Variants in ZNF138 observed in about 807,000 individuals in gnomAD.
ZNF138 encodes zinc finger protein 138, also known as zinc finger protein 138 (clone pHZ-32).
ZNF138 carries 33 observed loss-of-function variants against 33.0 expected under a neutral mutation model. The ratio of observed to expected loss-of-function variants is 1.00; its 90% confidence interval spans 0.76 to 1.34. ZNF138 has a LOEUF of 1.34. ZNF138 is among the 40% of genes most tolerant of loss of function. The probability of loss-of-function intolerance (pLI) is 0.00; values close to 1 mark genes in which losing one functional copy is unlikely to be tolerated. For synonymous variants in ZNF138, 139 were observed against 120.4 expected, an observed-to-expected ratio of 1.15 and a Z score of -1.01; for missense variants, 360 against 370.8, an observed-to-expected ratio of 0.97 and a Z score of 0.24.
chr7:64,852,526 G>A, the ZNF138 span: 2 of 1,572,864 alleles, frequency 1.3e-6, no homozygotes, highest in Non-Finnish European at 1.7e-6. Flanking sequence ...TCCATGCTTG[G>A]TGGTCTTCAC....
chr7:64,829,709 A>G (rs1006788300), intron 3 of ZNF138, among the ~76,000 whole-genome samples: 8 of 151,152 alleles, frequency 5.3e-5, no homozygotes, highest in African/African-American at 1.9e-4. Context: ...TTATGCTTTT[A>G]TCTTTCACAT....
chr7:64,818,062 G>A (rs1788814242), intron 3 of ZNF138, among the ~76,000 whole-genome samples: 1 of 98,062 alleles, frequency 1.0e-5, no homozygotes, highest in Admixed American at 1.2e-4. Context: ...GTACAATCTT[G>A]GCTTACTGCA....
At chr7:64,813,171 G>C (rs950058513) in intron 1 of ZNF138, among the ~76,000 whole-genome samples, 4 of 152,088 alleles carry the variant, frequency 2.6e-5, no homozygotes, top group African/African-American at 9.7e-5. Context: ...AATACTCAAG[G>C]TTTCTGTTGG....
chr7:64,860,722 T>C, the ZNF138 span, among the ~76,000 whole-genome samples: 1 of 152,140 alleles, frequency 6.6e-6, no homozygotes, highest in Non-Finnish European at 1.5e-5. Context: ...CCCAGGAGGG[T>C]AGTATTTTCT....
rs1790167673 is a variant in ZNF138, at chr7:64,832,384, A to G, written c.*182A>G. 3.3e-6 allele frequency: 5 copies of G among 1,531,496 alleles called. No individual in the cohort carries two copies. The highest frequency in any genetic ancestry group is 4.4e-6 in the Non-Finnish European group (5 of 1,145,266). 94.9% of individuals were successfully genotyped at this position (1,531,496 alleles called of 1,614,324 possible). The stretch of plus-strand genomic sequence containing the variant: ...AACCAGTCCGCAAAGCTCACTGAAC[A>G]TAAGTTAATTCATACTGGAGAAAAA... On this transcript the variant is annotated 3_prime_UTR_variant, in exon 4 of 4. Coordinates refer to ENST00000307355, the MANE Select transcript of ZNF138 (RefSeq NM_001271639.2).
intron 1 of ZNF138, among the ~76,000 whole-genome samples, chr7:64,805,242 C>CA (rs928615331): frequency 1.3e-5 from 2 of 151,938 alleles, no homozygotes; most frequent in African/African-American, 4.8e-5. Flanking sequence ...ACCAAAAATA[C>CA]AAAAAAATTA....
At chr7:64,845,764 G>A in the ZNF138 span, among the ~76,000 whole-genome samples, 2 of 151,938 alleles carry the variant, frequency 1.3e-5, no homozygotes, top group Non-Finnish European at 2.9e-5. Context: ...CACACTTTTC[G>A]GTGAGATTGT....
At position 64,817,997 on chromosome 7, in the gene ZNF138, T is replaced by TTA. The variant is rs1491111308; in HGVS notation, c.208+2345_208+2346insAT. The stretch of plus-strand genomic sequence containing the variant: ...ATAACATTATTTATTATTATTATTA[T>TTA]TTTTTTTTTTTTTTGAGACCGAGTC... On this transcript the variant is annotated intron_variant, in intron 3 of 3. Coordinates refer to ENST00000307355, the MANE Select transcript of ZNF138 (RefSeq NM_001271639.2). 3.0e-4 allele frequency among the ~76,000 whole-genome samples: 19 copies of TTA among 62,710 alleles called. 1 individual carries two copies. The South Asian group carries it at 9.9e-3, about 33-fold the overall frequency. The allele number at this position is 62,710 out of a possible 152,430, so 41.1% of individuals were successfully genotyped here. A position where few individuals can be genotyped will look rare whatever the true frequency, so the allele number is the denominator to read the frequency against.
At chr7:64,817,992 TA>T (rs1382887356) in intron 3 of ZNF138, among the ~76,000 whole-genome samples, 80 of 126,466 alleles carry the variant, frequency 6.3e-4, no homozygotes, top group East Asian at 2.2e-3. Context: ...TTATTATTAT[TA>T]TTATTTTTTT....
rs1786524300 is a variant in ZNF138 at position 64,794,476 on chromosome 7, C to T, written c.-93C>T. 3.2e-6 allele frequency: 5 copies of T among 1,586,544 alleles called. No homozygotes were observed. Among genetic ancestry groups the T allele is most frequent in the East Asian group, 2.3e-5 (1 of 44,072 alleles). Reference sequence around the variant, plus strand: ...GGTCTGGCCTTCACTTTTCTGCGTCCTCTTACTCCTAGAGGCCCAGCCTCT... The same window carrying T: ...GGTCTGGCCTTCACTTTTCTGCGTCTTCTTACTCCTAGAGGCCCAGCCTCT... On this transcript the variant is annotated 5_prime_UTR_variant, in exon 1 of 4. Coordinates refer to ENST00000307355, the MANE Select transcript of ZNF138 (RefSeq NM_001271639.2).
At chr7:64,827,942 T>C (rs1789772476) in intron 3 of ZNF138, among the ~76,000 whole-genome samples, 1 of 152,228 alleles carries the variant, frequency 6.6e-6, no homozygotes, top group African/African-American at 2.4e-5. Context: ...AAGTCAAATA[T>C]GAACCATATG....
rs575241014 is a variant in ZNF138, at chr7:64,806,014, T to C, written c.4-8904T>C. Reference sequence around the variant, plus strand: ...GTGATGCATGTCACATTTGGTTGAATTGTGTAATAAAACAGCTTTCTTTCT... The same window carrying C: ...GTGATGCATGTCACATTTGGTTGAACTGTGTAATAAAACAGCTTTCTTTCT... On this transcript the variant is annotated intron_variant, in intron 1 of 3. Transcript: ENST00000307355. 1.1e-4 allele frequency among the ~76,000 whole-genome samples: 16 copies of C among 152,346 alleles called. No homozygotes were observed. The South Asian group carries it at 3.1e-3, about 30-fold the overall frequency.
At chr7:64,800,841 A>G (rs114609784) in intron 1 of ZNF138, among the ~76,000 whole-genome samples, 1,969 of 152,106 alleles carry the variant, frequency 0.013, 42 homozygotes, top group African/African-American at 0.045. Flanking sequence ...TAGGCTATTT[A>G]TTACTAATTC....
Position 64,832,311 on chromosome 7 carries a change from C to G in ZNF138, c.*109C>G. On this transcript the variant is annotated 3_prime_UTR_variant, in exon 4 of 4. Coordinates refer to ENST00000307355, the MANE Select transcript of ZNF138 (RefSeq NM_001271639.2). ...AACCCTTATTACACATAAGATAATT[C>G]ATAGCGGAGAGAAACCCCACAAATG... The G allele has an allele frequency of 6.3e-7, 1 of 1,578,010 alleles. No homozygotes were observed. The highest frequency in any genetic ancestry group is 2.2e-5 in the East Asian group (1 of 44,590).
chr7:64,811,116 A>C (rs1788142778), intron 1 of ZNF138, among the ~76,000 whole-genome samples: 1 of 152,120 alleles, frequency 6.6e-6, no homozygotes, highest in African/African-American at 2.4e-5. Flanking sequence ...TTTAGCTTTA[A>C]TTCTATACAT....
the ZNF138 span, among the ~76,000 whole-genome samples, chr7:64,859,427 GT>G: frequency 1.3e-5 from 2 of 152,148 alleles, no homozygotes; most frequent in South Asian, 2.1e-4. Context: ...GCATCAGGCA[GT>G]GACTCAAACA....
chr7:64,834,239 C>A (rs547609021), downstream of ZNF138, among the ~76,000 whole-genome samples: 1 of 152,158 alleles, frequency 6.6e-6, no homozygotes, highest in South Asian at 2.1e-4. Flanking sequence ...TCAAAAACTA[C>A]ATCTTAGAAA....
At chr7:64,810,710 T>A (rs920147602) in intron 1 of ZNF138, among the ~76,000 whole-genome samples, 4 of 152,076 alleles carry the variant, frequency 2.6e-5, no homozygotes, top group African/African-American at 9.7e-5. Flanking sequence ...GAATTCTACA[T>A]AGGGTACACT....
intron 1 of ZNF138, among the ~76,000 whole-genome samples, chr7:64,802,582 G>T (rs868134295): frequency 6.6e-6 from 1 of 151,984 alleles, no homozygotes; most frequent in Non-Finnish European, 1.5e-5. Context: ...AGTAAGTCAC[G>T]ATCTATAGGG....
Sources: allele counts gnomAD v4.1 joint callset (sites outside exome capture counted in the v4.1 genomes callset), GRCh38; gene constraint gnomAD v4.1.1; transcripts MANE v1.5; gene names NCBI Gene and HGNC (gene_info 2026-07-23, HGNC 2026-07-21).